HBS1L: variants seen among roughly 807,000 people sequenced by gnomAD.
The protein encoded by HBS1L is HBS1 like translational GTPase.
In HBS1L, 55 loss-of-function variants were observed where a neutral mutation model predicts 88.9. The ratio of observed to expected loss-of-function variants is 0.62; its 90% CI spans 0.50 to 0.77. The LOEUF (loss-of-function observed/expected upper bound fraction) is 0.77. HBS1L is among the 30% of genes least tolerant of loss of function. The pLI, the probability that HBS1L is intolerant of heterozygous loss-of-function variation, is 0.00. For synonymous variants in HBS1L, 267 were observed against 288.5 expected (o/e 0.93, Z 0.76); for missense variants, 741 against 829.3 (o/e 0.89, Z 1.31).
chr6:134,990,566 T>C (rs1185685318), intron 8 of HBS1L, among the ~76,000 whole-genome samples: 2 of 152,078 alleles, frequency 1.3e-5, no homozygotes, highest in African/African-American at 4.8e-5. Context: ...CCATAAAGAG[T>C]TTGAAATAAA....
At chr6:135,052,111 A>G (rs536973871) in intron 1 of HBS1L, among the ~76,000 whole-genome samples, 4 of 152,338 alleles carry the variant, frequency 2.6e-5, no homozygotes, top group African/African-American at 7.2e-5. Flanking sequence ...TTCTGAGGGT[A>G]TTCATGCAGC....
intron 12 of HBS1L, chr6:134,982,769 C>A: frequency 2.9e-6 from 1 of 349,534 alleles, no homozygotes; most frequent in Non-Finnish European, 5.1e-6. Flanking sequence ...CTCATATTAC[C>A]AAAGAAAGGT....
chr6:135,006,507 T>C (rs1452051524), intron 4 of HBS1L, among the ~76,000 whole-genome samples: 37 of 151,878 alleles, frequency 2.4e-4, no homozygotes, highest in Admixed American at 2.4e-3. Flanking sequence ...CAGTAAAGAC[T>C]GACAGAAGGC....
At chr6:135,014,645 A>G (rs1368152528) in intron 4 of HBS1L, among the ~76,000 whole-genome samples, 1 of 152,110 alleles carries the variant, frequency 6.6e-6, no homozygotes, top group Non-Finnish European at 1.5e-5. Context: ...AAAACATAGG[A>G]ACCTCAATGA....
intron 4 of HBS1L, among the ~76,000 whole-genome samples, chr6:135,025,268 T>C (rs145176189): frequency 6.9e-4 from 105 of 152,224 alleles, no homozygotes; most frequent in African/African-American, 2.5e-3. Context: ...CAAACAGAAA[T>C]GTGGATCAAA....
intron 7 of HBS1L, among the ~76,000 whole-genome samples, chr6:134,996,525 T>A (rs1312384136): frequency 6.6e-5 from 10 of 152,120 alleles, no homozygotes; most frequent in Admixed American, 5.9e-4. Context: ...ATTTTTACTG[T>A]TGTTTTTCTG....
Position 135,028,122 on chromosome 6 carries a change from G to A in HBS1L, c.430+11451C>T, listed in dbSNP as rs958343464. ...TGTATGTTAAATATTCTACTCAGAA[G>A]GGTAGGAAATGAAAAGCAAAAAACA... On this transcript the variant is annotated intron_variant, in intron 4 of 17. Transcript: ENST00000367837. Among the ~76,000 whole-genome samples, 6 of 152,068 alleles carry A rather than the reference G, an allele frequency of 3.9e-5. No individual in the cohort carries two copies. The Middle Eastern group carries it at 0.014, about 345-fold the overall frequency.
chr6:134,990,470 T>C (rs1775101078), intron 8 of HBS1L, among the ~76,000 whole-genome samples: 1 of 152,264 alleles, frequency 6.6e-6, no homozygotes, highest in African/African-American at 2.4e-5. Context: ...CTCGGCAAGT[T>C]ACTTAACATC....
At chr6:134,999,601 C>A (rs1264392943) in intron 5 of HBS1L, among the ~76,000 whole-genome samples, 1 of 151,872 alleles carries the variant, frequency 6.6e-6, no homozygotes, top group African/African-American at 2.4e-5. Context: ...GCGCTGGCCA[C>A]TACACCCGGA....
Position 135,042,024 on chromosome 6 carries a change from T to C in HBS1L, c.212A>G (p.His71Arg). ...LKESSNSVSN[H>R]QLSGFDQARL... ...ACCTTGATCAAATCCACTGAGCTGA[T>C]GGTTTGAAACAGAATTGGAAGATTC... The change falls in exon 3 of 18, where the codon CAT (histidine) becomes CGT (arginine). Residue 71 changes from histidine (H) to arginine (R), a missense_variant. His to Arg is a conservative substitution (Grantham distance 29, BLOSUM62 0). Around this residue, in one of 3 missense-constraint regions of HBS1L, gnomAD observed 556 missense variants for 598.4 expected, o/e 0.93. Coordinates refer to ENST00000367837, the MANE Select transcript of HBS1L (RefSeq NM_006620.4). 6.2e-7 allele frequency: 1 copy of C among 1,613,560 alleles called. No individual in the cohort carries two copies. Among genetic ancestry groups the C allele is most frequent in the South Asian group, 1.1e-5 (1 of 91,058 alleles).
chr6:135,024,105 T>TAATC (rs1776151970), intron 4 of HBS1L, among the ~76,000 whole-genome samples: 1 of 152,200 alleles, frequency 6.6e-6, no homozygotes, highest in African/African-American at 2.4e-5. Context: ...TATAAAATTT[T>TAATC]AATCCATAAA....
chr6:135,035,156 G>T (rs1426036907), intron 4 of HBS1L, among the ~76,000 whole-genome samples: 1 of 152,112 alleles, frequency 6.6e-6, no homozygotes, highest in African/African-American at 2.4e-5. Context: ...ATTACTTATT[G>T]TAAAGAACAA....
intron 3 of HBS1L, among the ~76,000 whole-genome samples, 198 bp downstream of exon 3, chr6:135,041,803 A>G (rs559668754): frequency 6.6e-6 from 1 of 152,334 alleles, no homozygotes; most frequent in African/African-American, 2.4e-5. Context: ...CAATAGCCAT[A>G]CAATTTTTCA....
intron 4 of HBS1L, chr6:135,035,750 C>CAAAAAAAAAAAAAAAA (rs34517904): frequency 5.6e-5 from 4 of 71,082 alleles, no homozygotes; most frequent in African/African-American, 1.5e-4. Flanking sequence ...GACTCTGTCT[C>CAAAAAAAAAAAAAAAA]AAAAAAAAAA....
intron 4 of HBS1L, among the ~76,000 whole-genome samples, chr6:135,021,895 T>G (rs1195797425): frequency 6.6e-6 from 1 of 152,150 alleles, no homozygotes; most frequent in East Asian, 1.9e-4. Context: ...AAAATGTTAA[T>G]TCACCTTCCT....
rs1777057697 is a variant in HBS1L, at chr6:135,050,793, T to A, written c.44-146A>T. Reference sequence around the variant, plus strand: ...GAATGTCTATTTTCAAAAAAACTCTTAAGAATTTCACCCACAAAATAGGTT... The same window carrying A: ...GAATGTCTATTTTCAAAAAAACTCTAAAGAATTTCACCCACAAAATAGGTT... On this transcript the variant is annotated intron_variant, in intron 1 of 17. Coordinates refer to ENST00000367837, the MANE Select transcript of HBS1L (RefSeq NM_006620.4). 5.0e-6 allele frequency: 3 copies of A among 595,292 alleles called. No individual in the cohort carries two copies. In the East Asian group the frequency reaches 8.7e-5, roughly 17 times the overall value. 36.9% of individuals were successfully genotyped at this position (595,292 alleles called of 1,614,324 possible). A position where few individuals can be genotyped will look rare whatever the true frequency, so the allele number is the denominator to read the frequency against.
chr6:135,050,582 C>G lies in HBS1L; in HGVS notation c.109G>C (p.Ala37Pro). The G allele has an allele frequency of 6.3e-7, 1 of 1,580,886 alleles. No individual in the cohort carries two copies. Among genetic ancestry groups the G allele is most frequent in the South Asian group, 1.2e-5 (1 of 86,778 alleles). ...AATCAAATTATTTTTAAAAATTCACCTGTTGACGGCGAAATACAATAATCA... is the reference window on the plus strand; with the variant it reads ...AATCAAATTATTTTTAAAAATTCACGTGTTGACGGCGAAATACAATAATCA... ...EDDYCISPST[A>P]AQFIYSRRDK... Residue 37 changes from alanine (A) to proline (P), a missense_variant and splice_region_variant, in exon 2 of 18, where the codon GCT becomes CCT. This residue lies in a region of HBS1L where 556 missense variants were observed against 598.4 expected (regional missense o/e 0.93). Coordinates refer to ENST00000367837, the MANE Select transcript of HBS1L (RefSeq NM_006620.4).
At chr6:134,976,275 C>T (rs921414255) in intron 15 of HBS1L, among the ~76,000 whole-genome samples, 2 of 152,042 alleles carry the variant, frequency 1.3e-5, no homozygotes, top group Admixed American at 6.6e-5. Flanking sequence ...GCCCTGTATG[C>T]GATGAAGAAG....
At chr6:135,031,877 G>A (rs1475920307) in intron 4 of HBS1L, among the ~76,000 whole-genome samples, 1 of 149,084 alleles carries the variant, frequency 6.7e-6, no homozygotes, top group Non-Finnish European at 1.5e-5. Context: ...ACACTGCCCA[G>A]GCTGAACCTG....
Sources: allele counts gnomAD v4.1 joint callset (sites outside exome capture counted in the v4.1 genomes callset), GRCh38; gene constraint gnomAD v4.1.1; regional missense constraint gnomAD v4.1.1; transcripts MANE v1.5; gene names NCBI Gene and HGNC (gene_info 2026-07-23, HGNC 2026-07-21).